Variants in KCNT2 observed in about 807,000 individuals in gnomAD.
KCNT2 encodes potassium sodium-activated channel subfamily T member 2.
Under a neutral mutation model 153.8 loss-of-function variants are expected in KCNT2, and 67 were observed. That is an observed-to-expected ratio of 0.44 (90% confidence interval 0.36 to 0.53). KCNT2 has a LOEUF of 0.53. KCNT2 is among the 20% of genes least tolerant of loss of function. The probability of loss-of-function intolerance (pLI) is 0.00; values close to 1 mark genes in which losing one functional copy is unlikely to be tolerated. For missense variants in KCNT2, 975 were observed against 1,354.8 expected, an observed-to-expected ratio of 0.72 and a Z score of 4.40; for synonymous variants, 500 against 458.8, an observed-to-expected ratio of 1.09 and a Z score of -1.15.
At chr1:196,510,310 C>T (rs1461640722) in intron 1 of KCNT2, among the ~76,000 whole-genome samples, 1 of 152,092 alleles carries the variant, frequency 6.6e-6, no homozygotes, top group African/African-American at 2.4e-5. Context: ...AGCACATAGC[C>T]ATAATCCCCA....
At chr1:196,342,054 A>T (rs1665686934) in intron 15 of KCNT2, 25 bp downstream of exon 15, 1 of 1,589,824 alleles carries the variant, frequency 6.3e-7, no homozygotes, top group South Asian at 1.1e-5. Flanking sequence ...TGATATTTTA[A>T]TTTTTCTCTG....
intron 4 of KCNT2, among the ~76,000 whole-genome samples, chr1:196,480,572 T>C (rs556799934): frequency 6.6e-6 from 1 of 152,126 alleles, no homozygotes; most frequent in South Asian, 2.1e-4. Flanking sequence ...AAAATGAACA[T>C]CGGCCAGGCG....
intron 8 of KCNT2, among the ~76,000 whole-genome samples, chr1:196,441,466 G>GA (rs1557939103): frequency 6.7e-6 from 1 of 149,594 alleles, no homozygotes. Context: ...AATGAAAGAA[G>GA]AATCACCAAG....
At chr1:196,255,546 T>C (rs1317379097) in intron 26 of KCNT2, among the ~76,000 whole-genome samples, 1 of 151,774 alleles carries the variant, frequency 6.6e-6, no homozygotes, top group African/African-American at 2.4e-5. Context: ...ATTTAGAAAA[T>C]ATTACTGAGC....
intron 26 of KCNT2, among the ~76,000 whole-genome samples, chr1:196,236,452 G>C (rs959909558): frequency 6.6e-6 from 1 of 151,336 alleles, no homozygotes; most frequent in Non-Finnish European, 1.5e-5. Flanking sequence ...TCCTAGAAAA[G>C]AATATCCACA....
At chr1:196,512,860 G>T (rs998141078) in intron 1 of KCNT2, among the ~76,000 whole-genome samples, 1 of 152,132 alleles carries the variant, frequency 6.6e-6, no homozygotes, top group East Asian at 1.9e-4. Flanking sequence ...ACTGTGATGT[G>T]CAGTCTTCTA....
intron 12 of KCNT2, among the ~76,000 whole-genome samples, chr1:196,407,638 C>A (rs1671939841): frequency 6.6e-6 from 1 of 151,324 alleles, no homozygotes; most frequent in Middle Eastern, 3.4e-3. Context: ...TTGAAAAAAA[C>A]AGTGAAAAAG....
chr1:196,294,521 G>A (rs761865247), intron 22 of KCNT2, among the ~76,000 whole-genome samples: 9 of 151,582 alleles, frequency 5.9e-5, no homozygotes, highest in Non-Finnish European at 1.2e-4. Flanking sequence ...TGATCCACCC[G>A]CCTTGGCCTC....
intron 25 of KCNT2, among the ~76,000 whole-genome samples, chr1:196,263,490 G>A (rs1026843892): frequency 6.6e-6 from 1 of 152,022 alleles, no homozygotes; most frequent in Non-Finnish European, 1.5e-5. Context: ...CTGTCATAGG[G>A]TGGGGGGCTA....
At chr1:196,306,049 G>A (rs181009501) in intron 21 of KCNT2, among the ~76,000 whole-genome samples, 4 of 151,948 alleles carry the variant, frequency 2.6e-5, no homozygotes, top group East Asian at 1.9e-4. Context: ...GAGAAAAGGG[G>A]CAGGATGATA....
At chr1:196,494,035 C>T (rs1469829175) in intron 1 of KCNT2, among the ~76,000 whole-genome samples, 1 of 152,154 alleles carries the variant, frequency 6.6e-6, no homozygotes, top group East Asian at 1.9e-4. Context: ...CATCTGTATG[C>T]CCATGCACAT....
chr1:196,246,889 G>C (rs921254932), intron 26 of KCNT2, among the ~76,000 whole-genome samples: 1 of 151,754 alleles, frequency 6.6e-6, no homozygotes, highest in African/African-American at 2.4e-5. Flanking sequence ...AAAACAACCA[G>C]CAAAAAACAA....
rs374706309 is a variant in KCNT2, at chr1:196,548,772, T to G, written c.96-56431A>C. On this transcript the variant is annotated intron_variant, in intron 1 of 27. Coordinates refer to ENST00000294725, the MANE Select transcript of KCNT2 (RefSeq NM_198503.5). ...AACCAACCCAAATGTCCAACAATGA[T>G]AGACTGGATTAAGAAAATGTGGCAC... Among the ~76,000 whole-genome samples, 4 of 152,056 alleles carry G rather than the reference T, an allele frequency of 2.6e-5. No homozygotes were observed. In the South Asian group the frequency reaches 8.3e-4, roughly 31 times the overall value.
intron 13 of KCNT2, among the ~76,000 whole-genome samples, chr1:196,395,788 A>G (rs982815899): frequency 1.3e-5 from 2 of 151,646 alleles, no homozygotes; most frequent in African/African-American, 4.8e-5. Flanking sequence ...TTTTAAACAT[A>G]AATTATAATC....
chr1:196,446,020 C>G (rs1160180086), intron 8 of KCNT2, among the ~76,000 whole-genome samples: 5 of 151,326 alleles, frequency 3.3e-5, no homozygotes, highest in Non-Finnish European at 7.4e-5. Flanking sequence ...TACTGGAAAA[C>G]ATAGTCTGTG....
At chr1:196,466,384 T>G (rs1254816735) in intron 7 of KCNT2, among the ~76,000 whole-genome samples, 1 of 152,040 alleles carries the variant, frequency 6.6e-6, no homozygotes, top group Non-Finnish European at 1.5e-5. Flanking sequence ...TGTATTTTCA[T>G]AAGACTCCAG....
chr1:196,444,452 G>A (rs1251968438), intron 8 of KCNT2, among the ~76,000 whole-genome samples: 5 of 150,648 alleles, frequency 3.3e-5, no homozygotes, highest in East Asian at 2.0e-4. Context: ...TTTATATTTC[G>A]TCGTCCTCTC....
At chr1:196,545,374 G>A (rs189114012) in intron 1 of KCNT2, among the ~76,000 whole-genome samples, 1 of 152,042 alleles carries the variant, frequency 6.6e-6, no homozygotes, top group African/African-American at 2.4e-5. Context: ...CACCAGTGTA[G>A]AGAAAAAGAG....
At chr1:196,561,755 G>T (rs1024626722) in intron 1 of KCNT2, among the ~76,000 whole-genome samples, 1 of 150,120 alleles carries the variant, frequency 6.7e-6, no homozygotes, top group East Asian at 2.0e-4. Flanking sequence ...TGTCCAAAGC[G>T]GTTGGGATAC....
Sources: allele counts gnomAD v4.1 joint callset (sites outside exome capture counted in the v4.1 genomes callset), GRCh38; gene constraint gnomAD v4.1.1; transcripts MANE v1.5; gene names NCBI Gene and HGNC (gene_info 2026-07-23, HGNC 2026-07-21).